Variants in ADGRL2 observed in about 807,000 individuals in gnomAD.
The protein encoded by ADGRL2 is adhesion G protein-coupled receptor L2, also known as calcium-independent alpha-latrotoxin receptor 2.
In ADGRL2, 44 loss-of-function variants were observed where a neutral mutation model predicts 157.4. That is an observed-to-expected ratio of 0.28 (90% CI 0.22 to 0.36). The LOEUF (loss-of-function observed/expected upper bound fraction) is 0.36, where lower values mean the gene tolerates loss of function less well. Ranked by LOEUF, ADGRL2 falls within the 10% of genes least tolerant of loss-of-function variation. The pLI is 1.00. For missense variants in ADGRL2, 1,510 were observed against 1,768.9 expected (o/e 0.85, Z 2.63); for synonymous variants, 585 against 624.7 (o/e 0.94, Z 0.95).
intron 2 of ADGRL2, among the ~76,000 whole-genome samples, chr1:81,492,268 G>A (rs1483048092): frequency 6.6e-6 from 1 of 152,104 alleles, no homozygotes; most frequent in African/African-American, 2.4e-5. Context: ...AAAAGAAGAA[G>A]AAAAGCAAAG....
intron 3 of ADGRL2, among the ~76,000 whole-genome samples, chr1:81,615,512 G>A (rs2081626402): frequency 6.6e-6 from 1 of 152,170 alleles, no homozygotes; most frequent in African/African-American, 2.4e-5. Context: ...CCCACCAGAA[G>A]GAAGAAACTC....
chr1:81,502,210 A>G, intron 2 of ADGRL2: 2 of 1,601,530 alleles, frequency 1.2e-6, no homozygotes, highest in Non-Finnish European at 1.7e-6. Context: ...TACTTCCAGC[A>G]CCAGGGCTCC....
intron 2 of ADGRL2, among the ~76,000 whole-genome samples, chr1:81,495,068 A>G (rs907735133): frequency 2.0e-5 from 3 of 152,202 alleles, no homozygotes; most frequent in Non-Finnish European, 4.4e-5. Context: ...GAATCAGGGT[A>G]GAGCAGATGG....
intron 3 of ADGRL2, among the ~76,000 whole-genome samples, chr1:81,601,194 C>T (rs1429706106): frequency 1.3e-5 from 2 of 152,200 alleles, no homozygotes; most frequent in Non-Finnish European, 2.9e-5. Flanking sequence ...ACTTGCTTTT[C>T]TTTCCCCCAA....
At chr1:81,620,451 T>C (rs2081765993) in intron 3 of ADGRL2, among the ~76,000 whole-genome samples, 1 of 152,220 alleles carries the variant, frequency 6.6e-6, no homozygotes, top group African/African-American at 2.4e-5. Flanking sequence ...GCACATGTAA[T>C]ACACAAATAT....
intron 1 of ADGRL2, among the ~76,000 whole-genome samples, chr1:81,738,093 C>G (rs1419608325): frequency 6.6e-6 from 1 of 152,152 alleles, no homozygotes; most frequent in African/African-American, 2.4e-5. Flanking sequence ...TAAACACACT[C>G]TATGTATCCT....
At chr1:81,483,415 G>A (rs1307211937) in intron 2 of ADGRL2, among the ~76,000 whole-genome samples, 3 of 152,122 alleles carry the variant, frequency 2.0e-5, no homozygotes, top group Non-Finnish European at 4.4e-5. Context: ...GACAAATAAT[G>A]GAATATTCCT....
At chr1:81,768,675 G>T (rs1381676817) in intron 2 of ADGRL2, among the ~76,000 whole-genome samples, 1 of 152,012 alleles carries the variant, frequency 6.6e-6, no homozygotes, top group Non-Finnish European at 1.5e-5. Flanking sequence ...GTCTCACTAT[G>T]TTGTTCAGGC....
At chr1:81,542,057 T>C (rs1002840949) in intron 2 of ADGRL2, among the ~76,000 whole-genome samples, 7 of 152,224 alleles carry the variant, frequency 4.6e-5, no homozygotes, top group African/African-American at 1.7e-4. Flanking sequence ...AAAAGGGCTA[T>C]AGTTTTGCTA....
chr1:81,966,047 C>G lies in ADGRL2; in HGVS notation c.2018-11C>G, dbSNP rs1176238859. On this transcript the variant is annotated splice_polypyrimidine_tract_variant and intron_variant, in intron 11 of 23. Coordinates refer to ENST00000686636, the MANE Select transcript of ADGRL2 (RefSeq NM_001366006.2). ...TTTTTCCCCACCTCCTTTATCTTTTCCCTCATCCAGTCCTGGAAGTTGCCG... is the reference window on the plus strand; with the variant it reads ...TTTTTCCCCACCTCCTTTATCTTTTGCCTCATCCAGTCCTGGAAGTTGCCG... 15 of 1,613,274 alleles carry G rather than the reference C, an allele frequency of 9.3e-6. No individual in the cohort carries two copies. The highest frequency in any genetic ancestry group is 1.3e-5 in the Non-Finnish European group (15 of 1,179,522).
At chr1:81,336,137 G>A (rs553885579) in intron 1 of ADGRL2, among the ~76,000 whole-genome samples, 16 of 152,200 alleles carry the variant, frequency 1.1e-4, no homozygotes, top group East Asian at 3.9e-4. Flanking sequence ...TGGCCTTGTC[G>A]GAGATTCTCC....
intron 3 of ADGRL2, among the ~76,000 whole-genome samples, chr1:81,628,493 CA>C (rs1325094381): frequency 6.6e-6 from 1 of 152,084 alleles, no homozygotes; most frequent in Non-Finnish European, 1.5e-5. Flanking sequence ...GACAATGAGC[CA>C]GTCACTCAAT....
intron 3 of ADGRL2, among the ~76,000 whole-genome samples, chr1:81,674,155 G>C (rs1026578431): frequency 2.0e-5 from 3 of 151,902 alleles, no homozygotes; most frequent in African/African-American, 7.2e-5. Flanking sequence ...TGTTTTTCTT[G>C]TAAAGTTTCA....
chr1:81,412,332 T>C (rs2076959800), intron 1 of ADGRL2, among the ~76,000 whole-genome samples: 1 of 152,216 alleles, frequency 6.6e-6, no homozygotes. Flanking sequence ...GGAGTTTTGT[T>C]AAATGATTTT....
At chr1:81,489,760 A>G (rs1301379612) in intron 2 of ADGRL2, among the ~76,000 whole-genome samples, 1 of 152,212 alleles carries the variant, frequency 6.6e-6, no homozygotes, top group African/African-American at 2.4e-5. Context: ...AGTTTATCAG[A>G]TGATTTCTCA....
rs1340848390 is a variant in ADGRL2 at position 81,802,057 on chromosome 1, C to T, written c.-101+989C>T. On this transcript the variant is annotated intron_variant, in intron 1 of 23. Coordinates refer to ENST00000686636, the MANE Select transcript of ADGRL2 (RefSeq NM_001366006.2). ...CAGGAGGACGCGCCGAGCTGCGGCG[C>T]CGTGTCCGGCCGGGGAGCTGCGGCG... Among the ~76,000 whole-genome samples the T allele has an allele frequency of 3.3e-5, 5 of 150,458 alleles. No homozygotes were observed. In the South Asian group the frequency reaches 8.3e-4, roughly 25 times the overall value.
intron 1 of ADGRL2, among the ~76,000 whole-genome samples, chr1:81,760,165 G>A (rs1345397603): frequency 6.6e-6 from 1 of 152,058 alleles, no homozygotes; most frequent in African/African-American, 2.4e-5. Context: ...TGTGGGTGGA[G>A]GCAAGTTGCC....
chr1:81,691,878 G>GTATATATATATATATATATATTATA (rs755115574), intron 3 of ADGRL2, among the ~76,000 whole-genome samples: 1 of 122,446 alleles, frequency 8.2e-6, no homozygotes, highest in Non-Finnish European at 1.7e-5. Flanking sequence ...GTGTGTGTGT[G>GTATATATATATATATATATATTATA]TGTATATATA....
chr1:81,528,597 A>C (rs912717755), intron 2 of ADGRL2, among the ~76,000 whole-genome samples: 2 of 146,874 alleles, frequency 1.4e-5, no homozygotes, highest in Non-Finnish European at 3.0e-5. Context: ...CAGTGAGCCA[A>C]GATAGTGCCA....
Sources: allele counts gnomAD v4.1 joint callset (sites outside exome capture counted in the v4.1 genomes callset), GRCh38; gene constraint gnomAD v4.1.1; transcripts MANE v1.5; gene names NCBI Gene and HGNC (gene_info 2026-07-23, HGNC 2026-07-21).